CEACAM6: variants seen among roughly 807,000 people sequenced by gnomAD.
CEACAM6 encodes CEA cell adhesion molecule 6, also known as cell adhesion molecule CEACAM6.
CEACAM6 carries 21 observed loss-of-function variants against 32.4 expected under a neutral mutation model. The observed-to-expected ratio is 0.65, with a 90% CI of 0.46 to 0.93. The LOEUF (loss-of-function observed/expected upper bound fraction) is 0.93. Among genes scored for constraint, CEACAM6 ranks in the 40% least tolerant of loss-of-function variants. CEACAM6 has a pLI of 0.00. For synonymous variants in CEACAM6, 184 were observed against 174.4 expected (o/e 1.06, Z -0.43); for missense variants, 406 against 432.2 (o/e 0.94, Z 0.54).
chr19:41,766,684 C>T (rs374774434), intron 5 of CEACAM6, among the ~76,000 whole-genome samples: 14 of 152,066 alleles, frequency 9.2e-5, no homozygotes, highest in South Asian at 8.3e-4. Flanking sequence ...TCATTACCTT[C>T]CTAAAATCTA....
chr19:41,769,820 A>T (rs910811652), intron 5 of CEACAM6, among the ~76,000 whole-genome samples: 1 of 147,474 alleles, frequency 6.8e-6, no homozygotes, highest in Non-Finnish European at 1.5e-5. Context: ...ATAAATTAAT[A>T]ATTATTATTT....
At chr19:41,761,725 T>A (rs968284675) in intron 3 of CEACAM6, among the ~76,000 whole-genome samples, 198 bp downstream of exon 3, 1 of 152,190 alleles carries the variant, frequency 6.6e-6, no homozygotes, top group Admixed American at 6.5e-5. Context: ...CTGTGCTACT[T>A]CTGCTCAAAC....
intron 5 of CEACAM6, among the ~76,000 whole-genome samples, chr19:41,768,721 G>T: frequency 6.7e-6 from 1 of 148,772 alleles, no homozygotes; most frequent in Non-Finnish European, 1.5e-5. Flanking sequence ...GGCTGGCCGG[G>T]CGGGGGGCTG....
chr19:41,764,181 T>C (rs1020904683), intron 4 of CEACAM6, among the ~76,000 whole-genome samples: 1 of 152,246 alleles, frequency 6.6e-6, no homozygotes. Flanking sequence ...TTTTTGTGTG[T>C]TCCAGGAATT....
At chr19:41,767,797 A>G (rs1232739749) in intron 5 of CEACAM6, among the ~76,000 whole-genome samples, 2 of 152,182 alleles carry the variant, frequency 1.3e-5, no homozygotes, top group African/African-American at 4.8e-5. Context: ...TTGTTGGCCT[A>G]ATTCATTAAT....
intron 1 of CEACAM6, 71 bp downstream of exon 1, chr19:41,755,773 G>A: frequency 7.4e-7 from 1 of 1,354,258 alleles, no homozygotes; most frequent in Admixed American, 2.3e-5. Context: ...TCCTGGGGAG[G>A]ACAAGGCTCT....
chr19:41,760,059 C>T (rs532048864), intron 2 of CEACAM6, among the ~76,000 whole-genome samples: 6 of 152,290 alleles, frequency 3.9e-5, no homozygotes, highest in East Asian at 3.9e-4. Flanking sequence ...AAGCCTTATG[C>T]GTAAGTGATA....
At chr19:41,756,006 A>G (rs2072882844) in intron 1 of CEACAM6, among the ~76,000 whole-genome samples, 1 of 152,252 alleles carries the variant, frequency 6.6e-6, no homozygotes, top group South Asian at 2.1e-4. Context: ...ATAAAAATAT[A>G]ACAAGGAAAC....
chr19:41,764,134 G>C (rs573337604), intron 4 of CEACAM6, among the ~76,000 whole-genome samples: 2 of 152,214 alleles, frequency 1.3e-5, no homozygotes, highest in South Asian at 4.2e-4. Flanking sequence ...GCTTTTATTG[G>C]CTAAATCTTA....
chr19:41,757,503 C>T (rs557202788), intron 2 of CEACAM6, among the ~76,000 whole-genome samples: 4 of 152,240 alleles, frequency 2.6e-5, no homozygotes, highest in African/African-American at 4.8e-5. Context: ...CAGCCAGGTC[C>T]GAGCACCCAG....
chr19:41,765,746 C>G (rs1055408853), intron 4 of CEACAM6, among the ~76,000 whole-genome samples: 1 of 152,128 alleles, frequency 6.6e-6, no homozygotes, highest in Non-Finnish European at 1.5e-5. Context: ...CTGGTGGGAG[C>G]CCATGGGAAG....
intron 1 of CEACAM6, 138 bp downstream of exon 1, chr19:41,755,840 CA>C (rs1394143518): frequency 1.9e-5 from 11 of 593,556 alleles, no homozygotes; most frequent in East Asian, 3.3e-5. Flanking sequence ...CAGAGAGGGA[CA>C]GGGGTCACAA....
intron 5 of CEACAM6, among the ~76,000 whole-genome samples, chr19:41,769,800 ATATT>A (rs2072982416): frequency 6.8e-6 from 1 of 148,012 alleles, no homozygotes. Context: ...TAATTTATTA[ATATT>A]TATTAATAAA....
chr19:41,756,993 G>C, intron 2 of CEACAM6, 34 bp downstream of exon 2: 3 of 1,569,288 alleles, frequency 1.9e-6, no homozygotes, highest in Non-Finnish European at 2.6e-6. Flanking sequence ...GGGTGTTGGG[G>C]GTCAGTTCTA....
chr19:41,771,883 A>T lies in CEACAM6; in HGVS notation c.*1122A>T, dbSNP rs1313990651. ...GAGCCAGTGGTGCTAAATGCTACAT[A>T]CTCCAACTGAAATGTTAAGGAAGAA... On this transcript the variant is annotated 3_prime_UTR_variant, in exon 6 of 6. Coordinates refer to ENST00000199764, the MANE Select transcript of CEACAM6 (RefSeq NM_002483.7). 6 of 152,036 alleles carry T rather than the reference A, an allele frequency of 3.9e-5. No individual in the cohort carries two copies. The highest frequency in any genetic ancestry group is 1.4e-4 in the African/African-American group (6 of 41,380). The allele number at this position is 152,036 out of a possible 1,614,324, so 9.4% of individuals were successfully genotyped here. A position where few individuals can be genotyped will look rare whatever the true frequency, so the allele number is the denominator to read the frequency against.
At chr19:41,767,866 C>T (rs2072965430) in intron 5 of CEACAM6, among the ~76,000 whole-genome samples, 1 of 151,914 alleles carries the variant, frequency 6.6e-6, no homozygotes, top group Non-Finnish European at 1.5e-5. Flanking sequence ...GGAAAAGCCG[C>T]CTTATTTGAT....
rs1158293587 is a variant in CEACAM6 at position 41,770,255 on chromosome 19, C to CAAAA, written c.*41-529_*41-526dup. 9.2e-3 allele frequency among the ~76,000 whole-genome samples: 371 copies of CAAAA among 40,484 alleles called. 3 individuals carry two copies. Among genetic ancestry groups the CAAAA allele is most frequent in the African/African-American group, 0.024 (352 of 14,686 alleles). The allele number at this position is 40,484 out of a possible 152,430, so 26.6% of individuals were successfully genotyped here. On this transcript the variant is annotated intron_variant, in intron 5 of 5. Coordinates refer to ENST00000199764, the MANE Select transcript of CEACAM6 (RefSeq NM_002483.7). ...CAAAACCTCGTCTCTGCTAAAAATA[C>CAAAA]AAAAAAAAAAAAAAAAAAAAAGCTA...
Position 41,766,291 on chromosome 19 carries a change from G to C in CEACAM6, c.*32G>C. The stretch of plus-strand genomic sequence containing the variant: ...TGGTGTATTTTCGATATTTCAGGAA[G>C]ACTGGCAGGTATGATCGCCTTTCCT... On this transcript the variant is annotated 3_prime_UTR_variant, in exon 5 of 6. Coordinates refer to ENST00000199764, the MANE Select transcript of CEACAM6 (RefSeq NM_002483.7). 4.6e-6 allele frequency: 7 copies of C among 1,507,484 alleles called. No homozygotes were observed. Among genetic ancestry groups the C allele is most frequent in the Non-Finnish European group, 6.3e-6 (7 of 1,106,490 alleles). The allele number at this position is 1,507,484 out of a possible 1,614,324, so 93.4% of individuals were successfully genotyped here.
chr19:41,760,058 G>A (rs1305210949), intron 2 of CEACAM6, among the ~76,000 whole-genome samples: 3 of 152,310 alleles, frequency 2.0e-5, no homozygotes, highest in Admixed American at 2.0e-4. Context: ...TAAGCCTTAT[G>A]CGTAAGTGAT....
Sources: gnomAD v4.1 joint callset for allele counts (sites outside exome capture counted in the v4.1 genomes callset) on GRCh38, gnomAD v4.1.1 for gene constraint, MANE v1.5 for transcripts, NCBI Gene and HGNC (gene_info 2026-07-23, HGNC 2026-07-21) for gene names.